CHST8: variants seen among roughly 807,000 people sequenced by gnomAD.
The protein encoded by CHST8 is GALNAC-4-ST1.
A neutral mutation model predicts 15.0 loss-of-function variants in CHST8; 10 were observed. The ratio of observed to expected loss-of-function variants is 0.67; its 90% CI spans 0.41 to 1.13. CHST8 has a LOEUF of 1.13. Among genes scored for constraint, CHST8 ranks in the 50% most tolerant of loss-of-function variants. The pLI is 0.00. For missense variants in CHST8, 634 were observed against 608.2 expected (o/e 1.04, Z -0.45); for synonymous variants, 259 against 256.6 (o/e 1.01, Z -0.09).
chr19:33,719,194 G>A (rs1973729854), intron 3 of CHST8, among the ~76,000 whole-genome samples: 2 of 144,112 alleles, frequency 1.4e-5, no homozygotes, highest in Non-Finnish European at 3.0e-5. Context: ...GAAATGTTTT[G>A]TAAAATGTTT....
chr19:33,686,848 G>T (rs1339949269), intron 2 of CHST8, among the ~76,000 whole-genome samples: 1 of 152,178 alleles, frequency 6.6e-6, no homozygotes, highest in African/African-American at 2.4e-5. Flanking sequence ...CATGCACCCG[G>T]GCATGTATGC....
intron 1 of CHST8, among the ~76,000 whole-genome samples, chr19:33,643,063 CTTGCAGTA>C (rs1972304358): frequency 6.6e-6 from 1 of 152,194 alleles, no homozygotes; most frequent in South Asian, 2.1e-4. Flanking sequence ...CATGAACCTT[CTTGCAGTA>C]TACCTTTGTG....
Position 33,730,402 on chromosome 19 carries a change from G to A in CHST8, c.130+41011G>A, listed in dbSNP as rs555519970. Among the ~76,000 whole-genome samples, 5 of 152,312 alleles carry A rather than the reference G, an allele frequency of 3.3e-5. No homozygotes were observed. In the South Asian group the frequency reaches 1.0e-3, roughly 32 times the overall value. On this transcript the variant is annotated intron_variant, in intron 3 of 4. Coordinates refer to ENST00000650847, the MANE Select transcript of CHST8 (RefSeq NM_001127895.2). Reference sequence around the variant, plus strand: ...GTTAATCATAGAAGCTGTCTCAGGCGACATTGTAAGAATTAAATGAGATAA... The same window carrying A: ...GTTAATCATAGAAGCTGTCTCAGGCAACATTGTAAGAATTAAATGAGATAA...
chr19:33,772,851 G>A lies in CHST8; in HGVS notation c.1063G>A (p.Ala355Thr). The A allele has an allele frequency of 1.2e-6, 2 of 1,613,542 alleles. No homozygotes were observed. The highest frequency in any genetic ancestry group is 2.2e-5 in the East Asian group (1 of 44,872). Residue 355 changes from alanine (A) to threonine (T), a missense_variant, in exon 5 of 5, where the codon GCC becomes ACC. Ala to Thr is a moderately conservative substitution (Grantham distance 58). Transcript: ENST00000650847. ...CAAGTTCGAGAGCATGGAGGACGATGCCAACTTCTTCCTGAGCCTCATCCG... is the reference window on the plus strand; with the variant it reads ...CAAGTTCGAGAGCATGGAGGACGATACCAACTTCTTCCTGAGCCTCATCCG... Reference protein sequence around the residue: ...VGKFESMEDDANFFLSLIRAP... With the variant: ...VGKFESMEDDTNFFLSLIRAP...
chr19:33,694,218 AT>A (rs1973163599), intron 3 of CHST8, among the ~76,000 whole-genome samples: 1 of 81,324 alleles, frequency 1.2e-5, no homozygotes, highest in African/African-American at 5.6e-5. Context: ...ATATATATAT[AT>A]AATGTTACCA....
chr19:33,683,714 G>A (rs563375939), intron 2 of CHST8, among the ~76,000 whole-genome samples: 6 of 152,298 alleles, frequency 3.9e-5, no homozygotes, highest in South Asian at 4.1e-4. Context: ...TCCCTGTGCC[G>A]GGGACTGTGC....
In CHST8 at chr19:33,772,243, G is replaced by C. The variant is rs1975005044; in HGVS notation, c.455G>C (p.Ser152Thr). Reference protein sequence around the residue: ...LDGRWVSLHRSQQERKRVMQE... With the variant: ...LDGRWVSLHRTQQERKRVMQE... ...GGCCGCTGGGTCAGCCTGCACCGGAGCCAGCAGGAGCGCAAGCGGGTGATG... is the reference window on the plus strand; with the variant it reads ...GGCCGCTGGGTCAGCCTGCACCGGACCCAGCAGGAGCGCAAGCGGGTGATG... The change falls in exon 5 of 5, where the codon AGC (serine) becomes ACC (threonine). Residue 152 changes from serine (S) to threonine (T), a missense_variant. Ser to Thr is a moderately conservative substitution (Grantham distance 58). Transcript: ENST00000650847. 1.3e-6 allele frequency: 2 copies of C among 1,598,726 alleles called. No individual in the cohort carries two copies. The highest frequency in any genetic ancestry group is 4.5e-5 in the East Asian group (2 of 44,666).
chr19:33,655,477 C>T (rs1216491458), intron 1 of CHST8, among the ~76,000 whole-genome samples: 1 of 152,166 alleles, frequency 6.6e-6, no homozygotes, highest in East Asian at 1.9e-4. Context: ...AAGTTTTTCT[C>T]TTTTCTTCAT....
intron 3 of CHST8, among the ~76,000 whole-genome samples, chr19:33,698,250 A>G (rs771997322): frequency 3.4e-4 from 51 of 152,134 alleles, no homozygotes; most frequent in Non-Finnish European, 6.2e-4. Context: ...TCCTTTATCC[A>G]GTGAGCTGAG....
chr19:33,765,799 G>T (rs1219693164), intron 3 of CHST8, among the ~76,000 whole-genome samples: 1 of 151,964 alleles, frequency 6.6e-6, no homozygotes, highest in Non-Finnish European at 1.5e-5. Flanking sequence ...GTGGTCTCGC[G>T]ATCCACCTGC....
intron 3 of CHST8, among the ~76,000 whole-genome samples, chr19:33,705,750 G>T (rs775512616): frequency 6.6e-6 from 1 of 152,138 alleles, no homozygotes; most frequent in Non-Finnish European, 1.5e-5. Context: ...ACTCAGCAAG[G>T]GTCCCTTTGG....
At chr19:33,690,016 G>A (rs777001443) in intron 3 of CHST8, among the ~76,000 whole-genome samples, 6 of 152,190 alleles carry the variant, frequency 3.9e-5, no homozygotes, top group Non-Finnish European at 7.4e-5. Context: ...ACGGAGTGTG[G>A]AGAGGGAGTT....
intron 3 of CHST8, among the ~76,000 whole-genome samples, chr19:33,757,258 C>T (rs144939311): frequency 0.021 from 3,182 of 150,960 alleles, 49 homozygotes; most frequent in East Asian, 0.028. Context: ...GGTGTGGTGG[C>T]GCACGCCTGC....
chr19:33,634,790 G>C (rs1202620665), intron 1 of CHST8, among the ~76,000 whole-genome samples: 1 of 151,624 alleles, frequency 6.6e-6, no homozygotes, highest in Non-Finnish European at 1.5e-5. Context: ...GGGTTGAAGG[G>C]TTTCCCATTG....
At chr19:33,713,457 T>G (rs548067491) in intron 3 of CHST8, among the ~76,000 whole-genome samples, 89 of 152,248 alleles carry the variant, frequency 5.8e-4, no homozygotes, top group African/African-American at 2.0e-3. Flanking sequence ...CCCACTTCCC[T>G]CTTTTCCTAC....
At chr19:33,631,176 C>T (rs1388011348) in intron 1 of CHST8, among the ~76,000 whole-genome samples, 2 of 152,244 alleles carry the variant, frequency 1.3e-5, no homozygotes, top group Non-Finnish European at 2.9e-5. Flanking sequence ...GCTGGGGCAG[C>T]CAGCCTCTCT....
chr19:33,743,796 C>CTT lies in CHST8; in HGVS notation c.131-27605_131-27604dup, dbSNP rs35370834. Among the ~76,000 whole-genome samples the CTT allele has an allele frequency of 1.1e-3, 157 of 140,574 alleles. 1 individual carries two copies. Among genetic ancestry groups the CTT allele is most frequent in the African/African-American group, 4.0e-3 (151 of 37,464 alleles). The allele number at this position is 140,574 out of a possible 152,430, so 92.2% of individuals were successfully genotyped here. A position where few individuals can be genotyped will look rare whatever the true frequency, so the allele number is the denominator to read the frequency against. On this transcript the variant is annotated intron_variant, in intron 3 of 4. Transcript: ENST00000650847. Reference sequence around the variant, plus strand: ...TTGTGTTCTGCTTTTTTCTTTTTTTCTTTTTTTTTTTTTGAGATGGAGTCT... The same window carrying CTT: ...TTGTGTTCTGCTTTTTTCTTTTTTTCTTTTTTTTTTTTTTTGAGATGGAGTCT...
chr19:33,666,038 G>A (rs1222764391), intron 1 of CHST8, among the ~76,000 whole-genome samples: 9 of 152,250 alleles, frequency 5.9e-5, no homozygotes, highest in Admixed American at 4.6e-4. Context: ...CAGCTTTCTC[G>A]TGGATCATGT....
chr19:33,652,974 T>G (rs2145213121), intron 1 of CHST8, among the ~76,000 whole-genome samples: 1 of 152,338 alleles, frequency 6.6e-6, no homozygotes, highest in East Asian at 1.9e-4. Flanking sequence ...ACTCCCATCC[T>G]ATATCTTTTG....
Sources: allele counts gnomAD v4.1 joint callset (sites outside exome capture counted in the v4.1 genomes callset), GRCh38; gene constraint gnomAD v4.1.1; transcripts MANE v1.5; gene names NCBI Gene and HGNC (gene_info 2026-07-23, HGNC 2026-07-21).